OPRM1: variants seen among roughly 807,000 people sequenced by gnomAD.
OPRM1 encodes the protein mu-type opioid receptor.
In OPRM1, 27 loss-of-function variants were observed where a neutral mutation model predicts 31.8. The ratio of observed to expected loss-of-function variants is 0.85; its 90% CI spans 0.63 to 1.17. The LOEUF is 1.17. OPRM1 is among the 50% of genes most tolerant of loss of function. OPRM1 has a pLI of 0.00. For missense variants in OPRM1, 536 were observed against 511.1 expected, an observed-to-expected ratio of 1.05 and a Z score of -0.47; for synonymous variants, 196 against 189.9, an observed-to-expected ratio of 1.03 and a Z score of -0.26.
chr6:154,039,121 A>G (rs535869460), upstream of OPRM1: 6 of 1,532,138 alleles, frequency 3.9e-6, no homozygotes, highest in South Asian at 6.1e-5. Context: ...GACTAACTCT[A>G]TCTCTCTCCC....
At chr6:154,093,605 T>C (rs1375459098) in intron 3 of OPRM1, 3 of 1,375,210 alleles carry the variant, frequency 2.2e-6, no homozygotes, top group Non-Finnish European at 2.9e-6. Flanking sequence ...TAAAAATACA[T>C]CCAATTAGGC....
chr6:154,070,008 T>C (rs1437356832), intron 1 of OPRM1, among the ~76,000 whole-genome samples: 4 of 152,218 alleles, frequency 2.6e-5, no homozygotes, highest in African/African-American at 9.6e-5. Context: ...TCCCTGGAAG[T>C]TGCTTCAGCT....
At chr6:154,159,608 C>G in intron 3 of OPRM1, 1 of 547,564 alleles carries the variant, frequency 1.8e-6, no homozygotes. Context: ...CGCCTTTCAA[C>G]TGAACTCAAT....
chr6:154,080,539 A>G (rs1788854483), intron 1 of OPRM1, among the ~76,000 whole-genome samples: 1 of 152,232 alleles, frequency 6.6e-6, no homozygotes, highest in Non-Finnish European at 1.5e-5. Flanking sequence ...TTTCTGACGT[A>G]GCCTGCAAAG....
chr6:154,045,236 AT>A (rs1456427229), intron 1 of OPRM1, among the ~76,000 whole-genome samples: 6 of 152,122 alleles, frequency 3.9e-5, no homozygotes, highest in African/African-American at 7.2e-5. Context: ...AACAAAAAAA[AT>A]AAATTAAAAA....
At chr6:154,038,894 G>T (rs887828516), upstream of OPRM1, among the ~76,000 whole-genome samples, 7 of 152,190 alleles carry the variant, frequency 4.6e-5, no homozygotes, top group African/African-American at 1.4e-4. Flanking sequence ...CCTTTTCTTA[G>T]ATGTTGGCAA....
intron 3 of OPRM1, among the ~76,000 whole-genome samples, chr6:154,152,341 A>AAGAG (rs1798542088): frequency 9.1e-5 from 1 of 10,970 alleles, no homozygotes; most frequent in Non-Finnish European, 2.2e-4. Flanking sequence ...GAAAGAAAGA[A>AAGAG]AGAAAGGAAA....
In OPRM1 at chr6:154,085,888, C is replaced by CTTTTTTTTTTTTTT. The variant is rs779654564; in HGVS notation, c.291-3934_291-3921dup. On this transcript the variant is annotated intron_variant, in intron 1 of 3. Coordinates refer to ENST00000330432, the MANE Select transcript of OPRM1 (RefSeq NM_000914.5). ...CATCAGAACAGAATGAAAGCTTGCC[C>CTTTTTTTTTTTTTT]TTTTTTTTTTTTTTTTTGAGACAGT... Among the ~76,000 whole-genome samples the CTTTTTTTTTTTTTT allele has an allele frequency of 7.1e-4, 88 of 123,904 alleles. 4 individuals are homozygous for CTTTTTTTTTTTTTT. The highest frequency in any genetic ancestry group is 3.0e-3 in the South Asian group (12 of 4,018). 81.3% of individuals were successfully genotyped at this position (123,904 alleles called of 152,430 possible). A position where few individuals can be genotyped will look rare whatever the true frequency, so the allele number is the denominator to read the frequency against.
intron 3 of OPRM1, among the ~76,000 whole-genome samples, chr6:154,215,854 C>T (rs1035176920): frequency 6.6e-6 from 1 of 151,982 alleles, no homozygotes; most frequent in African/African-American, 2.4e-5. Context: ...AATCAAATAG[C>T]TAGACAATAT....
At position 154,115,858 on chromosome 6, in the gene OPRM1, G is replaced by C. The variant is rs114251942; in HGVS notation, c.1165-2825G>C. Among the ~76,000 whole-genome samples the C allele has an allele frequency of 6.7e-3, 1,024 of 152,298 alleles. 6 individuals carry two copies. Among genetic ancestry groups the C allele is most frequent in the African/African-American group, 0.024 (979 of 41,570 alleles). On this transcript the variant is annotated intron_variant, in intron 3 of 3. Coordinates refer to ENST00000330432, the MANE Select transcript of OPRM1 (RefSeq NM_000914.5). ...ACTAACTGCCTCCCTAGGGCCCACC[G>C]TCGCTAGATATCTGGACTGAGTTTC...
chr6:154,099,894 T>C (rs1794252605), intron 3 of OPRM1, among the ~76,000 whole-genome samples: 2 of 145,368 alleles, frequency 1.4e-5, no homozygotes, highest in Admixed American at 7.0e-5. Flanking sequence ...ACATATTATA[T>C]ATTATATTAT....
At position 154,080,699 on chromosome 6, in the gene OPRM1, G is replaced by A. The variant is rs150906490; in HGVS notation, c.291-9127G>A. Reference sequence around the variant, plus strand: ...GCTCACATGATTAGAATCATCTAGAGTCTGGTGACCCGTACGTGAGTGGCT... The same window carrying A: ...GCTCACATGATTAGAATCATCTAGAATCTGGTGACCCGTACGTGAGTGGCT... On this transcript the variant is annotated intron_variant, in intron 1 of 3. Coordinates refer to ENST00000330432, the MANE Select transcript of OPRM1 (RefSeq NM_000914.5). 5.5e-3 allele frequency among the ~76,000 whole-genome samples: 837 copies of A among 152,230 alleles called. 3 individuals carry two copies. Among genetic ancestry groups the A allele is most frequent in the African/African-American group, 0.018 (754 of 41,528 alleles).
rs1382837456 is a variant in OPRM1, at chr6:154,200,051, C to A, written c.1165-46642C>A. Reference sequence around the variant, plus strand: ...TGCCTGCTGTGCAGTCTATTTTTCACAAATAAAACCAAAAAAAGAATAAAA... The same window carrying A: ...TGCCTGCTGTGCAGTCTATTTTTCAAAAATAAAACCAAAAAAAGAATAAAA... On this transcript the variant is annotated intron_variant, in intron 3 of 3. Transcript: ENST00000337049. The A allele has an allele frequency of 4.5e-6, 7 of 1,568,916 alleles. No homozygotes were observed. In the Admixed American group the frequency reaches 6.0e-5, roughly 13 times the overall value.
At chr6:154,061,521 A>G (rs1350670082) in intron 1 of OPRM1, among the ~76,000 whole-genome samples, 2 of 152,162 alleles carry the variant, frequency 1.3e-5, no homozygotes, top group Non-Finnish European at 2.9e-5. Context: ...CCTTTGCAGC[A>G]ACATGGATGC....
At chr6:154,011,459 TG>T (rs1228773074) in intron 1 of OPRM1, among the ~76,000 whole-genome samples, 2 of 152,178 alleles carry the variant, frequency 1.3e-5, no homozygotes, top group African/African-American at 4.8e-5. Flanking sequence ...TTCACAAAAG[TG>T]GTATTTTTTA....
At chr6:154,118,573 G>T in intron 3 of OPRM1, 110 bp from the exon 4 acceptor site, 1 of 944,562 alleles carries the variant, frequency 1.1e-6, no homozygotes, top group African/African-American at 1.6e-5. Context: ...GCAGGTGAAA[G>T]TATACATGAA....
chr6:154,060,249 A>G (rs1249163825), intron 1 of OPRM1, among the ~76,000 whole-genome samples: 1 of 152,202 alleles, frequency 6.6e-6, no homozygotes, highest in East Asian at 1.9e-4. Flanking sequence ...AAAACACCAG[A>G]TGGACAGGCT....
chr6:154,055,245 G>A (rs76709725), intron 1 of OPRM1, among the ~76,000 whole-genome samples: 160 of 152,108 alleles, frequency 1.1e-3, no homozygotes, highest in East Asian at 8.9e-3. Context: ...AAAATTATCC[G>A]GGCAACATGG....
chr6:154,099,304 GAAGA>G (rs150542233), intron 3 of OPRM1, among the ~76,000 whole-genome samples: 22,890 of 92,280 alleles, frequency 0.25, 3,010 homozygotes, highest in East Asian at 0.56. Flanking sequence ...AGGAAGGAAG[GAAGA>G]AAGGAAGGAA....
Sources: gnomAD v4.1 joint callset for allele counts (sites outside exome capture counted in the v4.1 genomes callset) on GRCh38, gnomAD v4.1.1 for gene constraint, MANE v1.5 for transcripts, NCBI Gene and HGNC (gene_info 2026-07-23, HGNC 2026-07-21) for gene names.